Variants in NLRP12 observed in about 807,000 individuals in gnomAD.
NLRP12 encodes NACHT, LRR and PYD domains-containing protein 12.
In NLRP12, 108 loss-of-function variants were observed where a neutral mutation model predicts 91.2. The ratio of observed to expected loss-of-function variants is 1.18; its 90% confidence interval spans 1.01 to 1.39. NLRP12 has a LOEUF of 1.39. Among genes scored for constraint, NLRP12 ranks in the 40% most tolerant of loss-of-function variants. The pLI is 0.00. For missense variants in NLRP12, 1,530 were observed against 1,352.7 expected, an observed-to-expected ratio of 1.13 and a Z score of -2.06; for synonymous variants, 613 against 566.7, an observed-to-expected ratio of 1.08 and a Z score of -1.16.
chr19:53,801,724 G>A (rs2091878476), intron 6 of NLRP12, among the ~76,000 whole-genome samples: 1 of 151,800 alleles, frequency 6.6e-6, no homozygotes, highest in Non-Finnish European at 1.5e-5. Context: ...CAAAGGACTG[G>A]AATTACAGGC....
chr19:53,795,798 C>T (rs1568653997), intron 9 of NLRP12, 61 bp downstream of exon 9: 1 of 1,501,472 alleles, frequency 6.7e-7, no homozygotes, highest in Non-Finnish European at 9.3e-7. Flanking sequence ...AGCTTATCTA[C>T]CCTCATGCTC....
At chr19:53,823,462 A>G (rs1599876895) in intron 1 of NLRP12, among the ~76,000 whole-genome samples, 1 of 103,060 alleles carries the variant, frequency 9.7e-6, no homozygotes, top group African/African-American at 3.6e-5. Flanking sequence ...ATATATTTTA[A>G]ATATATATTT....
chr19:53,801,567 C>T (rs1195285335), intron 6 of NLRP12, among the ~76,000 whole-genome samples, 170 bp from the exon 7 acceptor site: 1 of 151,002 alleles, frequency 6.6e-6, no homozygotes, highest in African/African-American at 2.4e-5. Flanking sequence ...ATTCTCCTGC[C>T]TCAGCCTCCT....
In NLRP12 at chr19:53,824,069, T is replaced by A; in HGVS notation, c.106A>T (p.Thr36Ser). ...KKFKLYLGTATELGEGKIPWG... is the reference protein window; with the variant it reads ...KKFKLYLGTASELGEGKIPWG... ...GGGATCTTGCCTTCTCCCAGCTCTGTCGCGGTCCCCAGGTATAACTTGAAC... is the reference window on the plus strand; with the variant it reads ...GGGATCTTGCCTTCTCCCAGCTCTGACGCGGTCCCCAGGTATAACTTGAAC... The change falls in exon 1 of 10, where the codon ACA (threonine) becomes TCA (serine). Residue 36 changes from threonine (T) to serine (S), a missense_variant. Coordinates refer to ENST00000324134, the MANE Select transcript of NLRP12 (RefSeq NM_144687.4). The A allele has an allele frequency of 6.2e-7, 1 of 1,614,124 alleles. No individual in the cohort carries two copies. The highest frequency in any genetic ancestry group is 8.5e-7 in the Non-Finnish European group (1 of 1,180,018).
chr19:53,804,090 C>T lies in NLRP12; in HGVS notation c.2447G>A (p.Cys816Tyr), dbSNP rs2091917154. The T allele has an allele frequency of 1.2e-6, 2 of 1,613,948 alleles. No individual in the cohort carries two copies. The highest frequency in any genetic ancestry group is 1.3e-5 in the African/African-American group (1 of 74,920). ...LRKCQLESGA[C>Y]QEMASVLGTN... Reference sequence around the variant, plus strand: ...GCCGAGCACAGAAGCCATCTCCTGACAAGCCCCGGACTCCAGCTGACACTT... The same window carrying T: ...GCCGAGCACAGAAGCCATCTCCTGATAAGCCCCGGACTCCAGCTGACACTT... The change falls in exon 6 of 10, where the codon TGT becomes TAT. Residue 816 changes from cysteine to tyrosine, a missense_variant. Physicochemically the swap from Cys to Tyr is radical, Grantham distance 194 (BLOSUM62 -2). Coordinates refer to ENST00000324134, the MANE Select transcript of NLRP12 (RefSeq NM_144687.4).
intron 5 of NLRP12, among the ~76,000 whole-genome samples, chr19:53,804,736 A>T (rs558441622): frequency 1.8e-4 from 27 of 150,798 alleles, no homozygotes; most frequent in African/African-American, 6.6e-4. Flanking sequence ...AAAAAAAAAA[A>T]ATTTTTGTAG....
At chr19:53,816,370 C>G (rs62143194) in intron 1 of NLRP12, among the ~76,000 whole-genome samples, 38,462 of 148,196 alleles carry the variant, frequency 0.26, 5,264 homozygotes, top group African/African-American at 0.38. Flanking sequence ...TGTTACTACA[C>G]AGCCCGCCCC....
Position 53,798,400 on chromosome 19 carries a change from G to A in NLRP12, c.2770C>T (p.Arg924Trp), listed in dbSNP as rs761231693. The change falls in exon 8 of 10, where the codon CGG (arginine) becomes TGG (tryptophan). Residue 924 changes from arginine to tryptophan, a missense_variant. By Grantham distance (101) the Arg-to-Trp change is moderately radical. Transcript: ENST00000324134. ...KLQTLRLGIC[R>W]LGSAACEGLS... ...CCCTCACAGGCGGCAGAGCCCAGCC[G>A]GCAGATGCCCAACCTGCAAAGACAG... 2.0e-5 allele frequency: 32 copies of A among 1,613,898 alleles called. No individual in the cohort carries two copies. The South Asian group carries it at 2.1e-4, about 11-fold the overall frequency.
intron 7 of NLRP12, 128 bp from the exon 8 acceptor site, chr19:53,798,541 C>CAA: frequency 1.1e-6 from 1 of 898,538 alleles, no homozygotes. Context: ...CCTTGAGAGA[C>CAA]AAAAAGAAAA....
Position 53,795,862 on chromosome 19 carries a change from AGGACTC to A in NLRP12, c.3089_3094del (p.Arg1030_Val1031del). ...AGAACTGGTCATCATCCCTCACCAG[AGGACTC>A]GGAGTTTGCAGCCAGGATGGCTCAG... On this transcript the variant is annotated inframe_deletion, in exon 9 of 10. Coordinates refer to ENST00000324134, the MANE Select transcript of NLRP12 (RefSeq NM_144687.4). The A allele has an allele frequency of 6.2e-7, 1 of 1,613,996 alleles. No individual in the cohort carries two copies. The highest frequency in any genetic ancestry group is 8.5e-7 in the Non-Finnish European group (1 of 1,179,900).
At chr19:53,801,141 G>T in intron 7 of NLRP12, 86 bp downstream of exon 7, 2 of 1,243,182 alleles carry the variant, frequency 1.6e-6, no homozygotes, top group Non-Finnish European at 2.3e-6. Context: ...TTTAGGAGCA[G>T]AGACAACCTG....
chr19:53,816,835 C>G (rs2092167505), intron 1 of NLRP12, among the ~76,000 whole-genome samples: 1 of 150,866 alleles, frequency 6.6e-6, no homozygotes, highest in Non-Finnish European at 1.5e-5. Flanking sequence ...AGCTACTGCA[C>G]CCGGCCACTC....
chr19:53,815,890 G>A (rs536569303), intron 1 of NLRP12, among the ~76,000 whole-genome samples: 16 of 151,862 alleles, frequency 1.1e-4, no homozygotes, highest in African/African-American at 1.7e-4. Context: ...GATTACAGGC[G>A]TGAGCCACTG....
intron 9 of NLRP12, among the ~76,000 whole-genome samples, chr19:53,795,107 C>CTGTGTGTGTGTGTGTGTGTGT (rs1555792119): frequency 2.3e-5 from 2 of 85,444 alleles, no homozygotes; most frequent in African/African-American, 9.5e-5. Flanking sequence ...CTGGTGTGTG[C>CTGTGTGTGTGTGTGTGTGTGT]GTGTGTGTGT....
chr19:53,793,951 CT>C lies in NLRP12; in HGVS notation c.*97del. ...TTGATCTCAATCTGCATGAGTCTGT[CT>C]CTAGGAAGGAGGCTGATCATTATGC... On this transcript the variant is annotated 3_prime_UTR_variant, in exon 10 of 10. Transcript: ENST00000324134. 1.1e-6 allele frequency: 1 copy of C among 870,520 alleles called. No homozygotes were observed. Among genetic ancestry groups the C allele is most frequent in the Non-Finnish European group, 2.0e-6 (1 of 504,708 alleles). 53.9% of individuals were successfully genotyped at this position (870,520 alleles called of 1,614,324 possible).
At chr19:53,797,995 A>G (rs994597706) in intron 8 of NLRP12, among the ~76,000 whole-genome samples, 4 of 152,044 alleles carry the variant, frequency 2.6e-5, no homozygotes, top group Non-Finnish European at 5.9e-5. Flanking sequence ...TCGGCTTCCC[A>G]AAGTGCTGGG....
At chr19:53,812,037 G>T (rs780020309) in intron 2 of NLRP12, among the ~76,000 whole-genome samples, 3 of 151,990 alleles carry the variant, frequency 2.0e-5, no homozygotes, top group Non-Finnish European at 2.9e-5. Flanking sequence ...AGGAGTTTGA[G>T]ACCAGCCGGA....
At chr19:53,803,073 T>A (rs1301605768) in intron 6 of NLRP12, among the ~76,000 whole-genome samples, 1 of 152,080 alleles carries the variant, frequency 6.6e-6, no homozygotes, top group Non-Finnish European at 1.5e-5. Flanking sequence ...TGATCCATGG[T>A]TGATGAAATT....
In NLRP12 at chr19:53,798,421, G is replaced by C. The variant is rs370391218; in HGVS notation, c.2757-8C>G. 74 of 1,613,438 alleles carry C rather than the reference G, an allele frequency of 4.6e-5. No homozygotes were observed. The African/African-American group carries it at 9.3e-4, about 20-fold the overall frequency. ...AGCCGGCAGATGCCCAACCTGCAAA[G>C]ACAGGATGCTAGGGCGGAGTGGGAG... On this transcript the variant is annotated splice_polypyrimidine_tract_variant and splice_region_variant and intron_variant, in intron 7 of 9. Coordinates refer to ENST00000324134, the MANE Select transcript of NLRP12 (RefSeq NM_144687.4).
Sources: gnomAD v4.1 joint callset for allele counts (sites outside exome capture counted in the v4.1 genomes callset) on GRCh38, gnomAD v4.1.1 for gene constraint, MANE v1.5 for transcripts, NCBI Gene and HGNC (gene_info 2026-07-23, HGNC 2026-07-21) for gene names.